RBPJ: variants seen among roughly 807,000 people sequenced by gnomAD.
The protein encoded by RBPJ is recombination signal binding protein for immunoglobulin kappa J region.
Under a neutral mutation model 67.8 loss-of-function variants are expected in RBPJ, and 9 were observed. The ratio of observed to expected loss-of-function variants is 0.13; its 90% CI spans 0.08 to 0.23. The LOEUF is 0.23. RBPJ is among the 10% of genes least tolerant of loss of function. RBPJ has a pLI of 1.00. For missense variants in RBPJ, 305 were observed against 595.6 expected, an observed-to-expected ratio of 0.51 and a Z score of 5.08; for synonymous variants, 198 against 203.3, an observed-to-expected ratio of 0.97 and a Z score of 0.22.
intron 1 of RBPJ, among the ~76,000 whole-genome samples, chr4:26,278,767 G>C (rs1438319794): frequency 6.6e-6 from 1 of 152,190 alleles, no homozygotes; most frequent in African/African-American, 2.4e-5. Context: ...TTTACAAGGA[G>C]AAAATTAAGC....
At chr4:26,145,620 A>G in the RBPJ span, among the ~76,000 whole-genome samples, 1 of 152,226 alleles carries the variant, frequency 6.6e-6, no homozygotes, top group Non-Finnish European at 1.5e-5. Flanking sequence ...GGACTTCTAA[A>G]ATGCTGGGTG....
chr4:26,108,057 C>T, the RBPJ span, among the ~76,000 whole-genome samples: 2 of 152,188 alleles, frequency 1.3e-5, no homozygotes, highest in African/African-American at 4.8e-5. Context: ...CTCTCCTCAT[C>T]CAGTGTGGCT....
In RBPJ at chr4:26,188,454, G is replaced by T. The variant is rs1717356396; in HGVS notation, c.-167+24840G>T. Among the ~76,000 whole-genome samples the T allele has an allele frequency of 3.3e-5, 5 of 152,120 alleles. No homozygotes were observed. The South Asian group carries it at 1.0e-3, about 31-fold the overall frequency. ...CTCTGAAGTATACTAAAAAGGTCAA[G>T]ACTTTTAAATAAGTATTATTTTACC... On this transcript the variant is annotated intron_variant, in intron 1 of 4. Coordinates refer to the RBPJ transcript ENST00000512351.
intron 1 of RBPJ, among the ~76,000 whole-genome samples, chr4:26,361,048 A>AGTGTGT (rs771047801): frequency 0.054 from 7,964 of 147,256 alleles, 271 homozygotes; most frequent in African/African-American, 0.094. Flanking sequence ...TTCAGGAGTG[A>AGTGTGT]GTGTGTGTGC....
At chr4:26,210,803 C>CTTTCTTTCTTTCT (rs1718392557) in intron 1 of RBPJ, among the ~76,000 whole-genome samples, 2 of 137,782 alleles carry the variant, frequency 1.5e-5, no homozygotes, top group Non-Finnish European at 3.2e-5. Context: ...TTCTTTCTTT[C>CTTTCTTTCTTTCT]TTTCTTTTCT....
chr4:26,106,808 C>T, the RBPJ span, among the ~76,000 whole-genome samples: 1 of 152,198 alleles, frequency 6.6e-6, no homozygotes, highest in Non-Finnish European at 1.5e-5. Flanking sequence ...CACCCTCTCC[C>T]TTACATCTAC....
chr4:26,244,199 CTATA>C (rs1309298592), intron 1 of RBPJ, among the ~76,000 whole-genome samples: 1 of 104,952 alleles, frequency 9.5e-6, no homozygotes. Flanking sequence ...ATATATGTGT[CTATA>C]TATGTATACA....
intron 3 of RBPJ, among the ~76,000 whole-genome samples, chr4:26,409,523 A>G (rs989358280): frequency 6.6e-6 from 1 of 152,148 alleles, no homozygotes; most frequent in African/African-American, 2.4e-5. Flanking sequence ...TTTTTGAGAC[A>G]GAGTCTCGCC....
chr4:26,425,079 G>A (rs577304566), intron 7 of RBPJ: 50 of 324,824 alleles, frequency 1.5e-4, no homozygotes, highest in Non-Finnish European at 2.3e-4. Flanking sequence ...TTACTAATGC[G>A]GATAAACCGT....
chr4:26,412,335 G>T (rs546273503), intron 3 of RBPJ, among the ~76,000 whole-genome samples: 7 of 152,040 alleles, frequency 4.6e-5, no homozygotes, highest in African/African-American at 1.7e-4. Context: ...GGGTTCAAGC[G>T]ATTCTCATGC....
chr4:26,248,166 C>G (rs951319445), intron 1 of RBPJ, among the ~76,000 whole-genome samples: 9 of 152,016 alleles, frequency 5.9e-5, no homozygotes, highest in African/African-American at 1.9e-4. Flanking sequence ...TGGCACACAC[C>G]TGTAGTCCTA....
At chr4:26,334,838 T>C (rs953520021) in intron 1 of RBPJ, among the ~76,000 whole-genome samples, 15 of 152,234 alleles carry the variant, frequency 9.9e-5, no homozygotes, top group Admixed American at 9.8e-4. Flanking sequence ...TCTCCACTTC[T>C]TGATTATTCC....
chr4:26,274,694 G>T (rs1486035342), intron 1 of RBPJ, among the ~76,000 whole-genome samples: 2 of 151,934 alleles, frequency 1.3e-5, no homozygotes, highest in Non-Finnish European at 2.9e-5. Context: ...CCAGCTCTTC[G>T]GGAGGCTGAG....
At chr4:26,136,219 G>T in the RBPJ span, among the ~76,000 whole-genome samples, 1 of 152,130 alleles carries the variant, frequency 6.6e-6, no homozygotes, top group Non-Finnish European at 1.5e-5. Flanking sequence ...ATTTGGGTGG[G>T]GACACAATGA....
intron 1 of RBPJ, among the ~76,000 whole-genome samples, chr4:26,229,694 G>T (rs1194346472): frequency 6.6e-6 from 1 of 152,116 alleles, no homozygotes; most frequent in East Asian, 1.9e-4. Context: ...TTTCTCTCAT[G>T]TATAAAGAGT....
intron 4 of RBPJ, among the ~76,000 whole-genome samples, chr4:26,416,816 A>T (rs1232461391): frequency 6.6e-6 from 1 of 152,196 alleles, no homozygotes; most frequent in East Asian, 1.9e-4. Flanking sequence ...GTGATTTTAC[A>T]GATAGTACTA....
chr4:26,309,788 G>A (rs1262593024), intron 1 of RBPJ, among the ~76,000 whole-genome samples: 1 of 152,118 alleles, frequency 6.6e-6, no homozygotes, highest in Non-Finnish European at 1.5e-5. Context: ...TATTCATATG[G>A]TGTTGTCATT....
At chr4:26,281,717 T>G (rs145952603) in intron 1 of RBPJ, among the ~76,000 whole-genome samples, 119 of 152,326 alleles carry the variant, frequency 7.8e-4, no homozygotes, top group African/African-American at 2.8e-3. Flanking sequence ...GCAAGCTGTG[T>G]ATTAATCTTC....
chr4:26,143,001 CA>C, the RBPJ span, among the ~76,000 whole-genome samples: 1 of 152,188 alleles, frequency 6.6e-6, no homozygotes, highest in African/African-American at 2.4e-5. Flanking sequence ...AGGCTGGTCT[CA>C]AACTCTTAAC....
Sources: gnomAD v4.1 joint callset for allele counts (sites outside exome capture counted in the v4.1 genomes callset) on GRCh38, gnomAD v4.1.1 for gene constraint, MANE v1.5 for transcripts, NCBI Gene and HGNC (gene_info 2026-07-23, HGNC 2026-07-21) for gene names.